TRIM62: variants seen among roughly 807,000 people sequenced by gnomAD.
TRIM62 encodes the protein E3 ubiquitin-protein ligase TRIM62.
A neutral mutation model predicts 44.2 loss-of-function variants in TRIM62; 39 were observed. The observed-to-expected ratio is 0.88, with a 90% CI of 0.68 to 1.15. The LOEUF (loss-of-function observed/expected upper bound fraction) is 1.15, where lower values mean the gene tolerates loss of function less well. TRIM62 is among the 50% of genes most tolerant of loss of function. The probability of loss-of-function intolerance (pLI) is 0.00; values close to 1 mark genes in which losing one functional copy is unlikely to be tolerated. For synonymous variants in TRIM62, 278 were observed against 292.3 expected (o/e 0.95, Z 0.50); for missense variants, 544 against 665.5 (o/e 0.82, Z 2.01).
Position 33,147,281 on chromosome 1 carries a change from G to A in TRIM62, c.1324C>T (p.Arg442Cys), listed in dbSNP as rs758674028. ...CAGAGCTTGCCAGGGAACTTCTCGCGGAAGGTGTAGAGCCAGGACATGTCA... is the reference window on the plus strand; with the variant it reads ...CAGAGCTTGCCAGGGAACTTCTCGCAGAAGGTGTAGAGCCAGGACATGTCA... Reference protein sequence around the residue: ...ADDMSWLYTFREKFPGKLCSY... With the variant: ...ADDMSWLYTFCEKFPGKLCSY... The change falls in exon 5 of 5, where the codon CGC becomes TGC. Residue 442 changes from arginine (R) to cysteine (C), a missense_variant. Physicochemically the swap from Arg to Cys is radical, Grantham distance 180. Transcript: ENST00000291416. This position sits in a 1 kb window ranked among gnomAD's most constrained non-coding sequence, Gnocchi z 8.1. 25 of 1,613,990 alleles carry A rather than the reference G, an allele frequency of 1.5e-5. No homozygotes were observed. The highest frequency in any genetic ancestry group is 4.4e-5 in the South Asian group (4 of 91,088).
chr1:33,164,035 TCATA>T (rs1415323502), intron 2 of TRIM62: 2 of 152,212 alleles, frequency 1.3e-5, no homozygotes, highest in African/African-American at 4.8e-5. Flanking sequence ...TACTCCGCTC[TCATA>T]CAGAGAGAGG....
At position 33,167,992 on chromosome 1, in the gene TRIM62, C is replaced by CA. The variant is rs750916936; in HGVS notation, c.409-2427dup. Among the ~76,000 whole-genome samples, 40 of 152,158 alleles carry CA rather than the reference C, an allele frequency of 2.6e-4. No individual in the cohort carries two copies. The highest frequency in any genetic ancestry group is 4.6e-4 in the Non-Finnish European group (31 of 68,028). ...ATAGGGACTAGTCTGGTGGGGAAGA[C>CA]AGACAACAAACAAGGAAAATAATAA... On this transcript the variant is annotated intron_variant, in intron 1 of 4. Coordinates refer to ENST00000291416, the MANE Select transcript of TRIM62 (RefSeq NM_018207.3). The surrounding 1 kb of genome is among the most constrained non-coding windows in gnomAD (Gnocchi z 4.2).
intron 1 of TRIM62, among the ~76,000 whole-genome samples, chr1:33,178,680 A>AC (rs1645439355): frequency 1.3e-5 from 2 of 152,350 alleles, no homozygotes; most frequent in Non-Finnish European, 2.9e-5. Flanking sequence ...ATCAGCGTTT[A>AC]CATGAAGTGA....
chr1:33,162,461 T>G (rs1645281178), intron 2 of TRIM62, among the ~76,000 whole-genome samples: 1 of 152,240 alleles, frequency 6.6e-6, no homozygotes, highest in Non-Finnish European at 1.5e-5. Flanking sequence ...CCACATTTTC[T>G]GTCTCCCTGG....
intron 1 of TRIM62, among the ~76,000 whole-genome samples, chr1:33,171,014 G>T (rs571199889): frequency 1.3e-5 from 2 of 152,168 alleles, no homozygotes; most frequent in Non-Finnish European, 2.9e-5. Context: ...CTGTGTCCAG[G>T]TGGCCCCTCC....
At position 33,159,960 on chromosome 1, in the gene TRIM62, G is replaced by A. The variant is rs373155581; in HGVS notation, c.505-16C>T. On this transcript the variant is annotated splice_polypyrimidine_tract_variant and intron_variant, in intron 2 of 4. Transcript: ENST00000291416. The surrounding 1 kb of genome is among the most constrained non-coding windows in gnomAD (Gnocchi z 4.2). Reference sequence around the variant, plus strand: ...TGGTGGAAGACTGTGGGGGACAGTCGTCAGGGGTTATGGCTGGGGGAGCAG... The same window carrying A: ...TGGTGGAAGACTGTGGGGGACAGTCATCAGGGGTTATGGCTGGGGGAGCAG... 2.8e-5 allele frequency: 44 copies of A among 1,595,598 alleles called. No individual in the cohort carries two copies. Among genetic ancestry groups the A allele is most frequent in the African/African-American group, 2.3e-4 (17 of 74,822 alleles).
chr1:33,167,739 C>G lies in TRIM62; in HGVS notation c.409-2173G>C, dbSNP rs1481804081. On this transcript the variant is annotated intron_variant, in intron 1 of 4. Coordinates refer to ENST00000291416, the MANE Select transcript of TRIM62 (RefSeq NM_018207.3). This position sits in a 1 kb window ranked among gnomAD's most constrained non-coding sequence, Gnocchi z 4.2. ...CCTCCCACTCATTCAGCTTGTCAGA[C>G]CAGGGAGGGCCTTGGTAAATGTCTA... Among the ~76,000 whole-genome samples, 1 of 152,198 alleles carries G rather than the reference C, an allele frequency of 6.6e-6. No individual in the cohort carries two copies. The highest frequency in any genetic ancestry group is 1.5e-5 in the Non-Finnish European group (1 of 68,048).
In TRIM62 at chr1:33,181,668, C is replaced by G; in HGVS notation, c.-236G>C. ...GGGAGGGCAGTCTAGAGGTAGTGGG[C>G]AGCTCAAGGCGATGGGCGCTGGGAG... On this transcript the variant is annotated 5_prime_UTR_variant, in exon 1 of 5. Transcript: ENST00000291416. This position sits in a 1 kb window ranked among gnomAD's most constrained non-coding sequence, Gnocchi z 6.5. 4.6e-6 allele frequency: 3 copies of G among 646,972 alleles called. No individual in the cohort carries two copies. Among genetic ancestry groups the G allele is most frequent in the Non-Finnish European group, 5.0e-6 (2 of 403,546 alleles). The allele number at this position is 646,972 out of a possible 1,614,324, so 40.1% of individuals were successfully genotyped here.
Position 33,181,272 on chromosome 1 carries a change from C to G in TRIM62, c.161G>C (p.Arg54Pro). ...CAGCGCGGGCTCGGCGAACGTGCGCCGGCACTCGGGGCAGTCGCGGGCGCC... is the reference window on the plus strand; with the variant it reads ...CAGCGCGGGCTCGGCGAACGTGCGCGGGCACTCGGGGCAGTCGCGGGCGCC... The part of the protein sequence containing the change: ...AQGARDCPEC[R>P]RTFAEPALAP... The change falls in exon 1 of 5, where the codon CGG becomes CCG. Residue 54 changes from arginine (R) to proline (P), a missense_variant. Coordinates refer to ENST00000291416, the MANE Select transcript of TRIM62 (RefSeq NM_018207.3). This position sits in a 1 kb window ranked among gnomAD's most constrained non-coding sequence, Gnocchi z 6.5. 4.5e-6 allele frequency: 7 copies of G among 1,547,588 alleles called. No homozygotes were observed. The highest frequency in any genetic ancestry group is 2.4e-5 in the East Asian group (1 of 41,742).
rs768824100 is a variant in TRIM62, at chr1:33,181,072, C to A, written c.361G>T (p.Glu121Ter). ...TCGATGCCGGTGACCTGATGCTGCT[C>A]GTGCAGTGCAGGCTCGTCGCAGAAG... ...CFFCDEPALH[E>*]QHQVTGIDDA... The change falls in exon 1 of 5, where the codon GAG becomes TAG. Residue 121 changes from glutamate to a stop codon, truncating the protein, a stop_gained. Coordinates refer to ENST00000291416, the MANE Select transcript of TRIM62 (RefSeq NM_018207.3). LOFTEE classifies it high-confidence loss of function. This position sits in a 1 kb window ranked among gnomAD's most constrained non-coding sequence, Gnocchi z 6.5. 6.9e-6 allele frequency: 11 copies of A among 1,599,826 alleles called. No individual in the cohort carries two copies. In the Admixed American group the frequency reaches 1.5e-4, roughly 22 times the overall value.
intron 1 of TRIM62, among the ~76,000 whole-genome samples, chr1:33,172,554 T>G (rs1645382721): frequency 1.3e-5 from 2 of 151,046 alleles, no homozygotes; most frequent in African/African-American, 2.4e-5. Flanking sequence ...GGAGCGGGGG[T>G]GGGCCGGGCA....
chr1:33,177,434 A>C lies in TRIM62; in HGVS notation c.408+3591T>G, dbSNP rs1645430821. 6.6e-6 allele frequency among the ~76,000 whole-genome samples: 1 copy of C among 152,148 alleles called. No homozygotes were observed. Among genetic ancestry groups the C allele is most frequent in the Non-Finnish European group, 1.5e-5 (1 of 68,030 alleles). Reference sequence around the variant, plus strand: ...TAGAGAAGGAGCCTTAGAGAAGCAAAGTGACGTGACCAAGGACACACAGCA... The same window carrying C: ...TAGAGAAGGAGCCTTAGAGAAGCAACGTGACGTGACCAAGGACACACAGCA... On this transcript the variant is annotated intron_variant, in intron 1 of 4. Transcript: ENST00000291416. The surrounding 1 kb of genome is among the most constrained non-coding windows in gnomAD (Gnocchi z 4.1).
chr1:33,180,959 C>CA, intron 1 of TRIM62, 66 bp downstream of exon 1: 1 of 483,006 alleles, frequency 2.1e-6, no homozygotes. Context: ...GCCCTGACCC[C>CA]ACCCCCCGCC....
At chr1:33,180,151 C>T (rs550817027) in intron 1 of TRIM62, among the ~76,000 whole-genome samples, 1 of 152,232 alleles carries the variant, frequency 6.6e-6, no homozygotes, top group South Asian at 2.1e-4. Context: ...GCTCAGGTCA[C>T]TCTGCATGTA....
intron 1 of TRIM62, among the ~76,000 whole-genome samples, chr1:33,166,610 C>T (rs968490862): frequency 3.3e-5 from 5 of 152,076 alleles, no homozygotes; most frequent in South Asian, 4.2e-4. Context: ...AAGAAACTGG[C>T]CCCATAGCAT....
chr1:33,158,166 C>A, intron 4 of TRIM62, 87 bp downstream of exon 4: 1 of 1,239,820 alleles, frequency 8.1e-7, no homozygotes, highest in Non-Finnish European at 1.2e-6. Context: ...TTCACCCCAA[C>A]TGCCCCATGC....
In TRIM62 at chr1:33,181,489, G is replaced by A. The variant is rs1263524560; in HGVS notation, c.-57C>T. 2.0e-5 allele frequency: 31 copies of A among 1,517,840 alleles called. No homozygotes were observed. The highest frequency in any genetic ancestry group is 2.4e-5 in the East Asian group (1 of 41,636). The allele number at this position is 1,517,840 out of a possible 1,614,324, so 94.0% of individuals were successfully genotyped here. A position where few individuals can be genotyped will look rare whatever the true frequency, so the allele number is the denominator to read the frequency against. On this transcript the variant is annotated 5_prime_UTR_variant, in exon 1 of 5. Coordinates refer to ENST00000291416, the MANE Select transcript of TRIM62 (RefSeq NM_018207.3). This position sits in a 1 kb window ranked among gnomAD's most constrained non-coding sequence, Gnocchi z 6.5. ...GGGGCAGGGGGGCGGCTGAGAGAGC[G>A]CGGCGCTGTCGGAGGCAGCACCGAG...
chr1:33,178,290 A>C (rs116393716), intron 1 of TRIM62, among the ~76,000 whole-genome samples: 340 of 152,332 alleles, frequency 2.2e-3, no homozygotes, highest in African/African-American at 7.9e-3. Context: ...GGGTGGGTTC[A>C]GCCTTATTTC....
At chr1:33,180,941 G>A (rs1645456275) in intron 1 of TRIM62, 84 bp downstream of exon 1, 3 of 846,168 alleles carry the variant, frequency 3.5e-6, no homozygotes, top group South Asian at 3.2e-5. Context: ...GGCCTGGCCC[G>A]CGGTCCAGCC....
Sources: allele counts gnomAD v4.1 joint callset (sites outside exome capture counted in the v4.1 genomes callset), GRCh38; gene constraint gnomAD v4.1.1; non-coding constraint Gnocchi (gnomAD v3.1); transcripts MANE v1.5; gene names NCBI Gene and HGNC (gene_info 2026-07-23, HGNC 2026-07-21).